Variants in CACNG2 observed in about 807,000 individuals in gnomAD.
CACNG2 encodes voltage-dependent calcium channel gamma-2 subunit.
Under a neutral mutation model 25.9 loss-of-function variants are expected in CACNG2, and 3 were observed. The ratio of observed to expected loss-of-function variants is 0.12; its 90% confidence interval spans 0.05 to 0.30. The LOEUF (loss-of-function observed/expected upper bound fraction) is 0.30, where lower values mean the gene tolerates loss of function less well. Ranked by LOEUF, CACNG2 falls within the 10% of genes least tolerant of loss-of-function variation. CACNG2 has a pLI of 1.00. For synonymous variants in CACNG2, 167 were observed against 173.3 expected (o/e 0.96, Z 0.29); for missense variants, 341 against 432.5 (o/e 0.79, Z 1.88).
intron 1 of CACNG2, among the ~76,000 whole-genome samples, chr22:36,655,050 C>T (rs1010753702): frequency 4.0e-5 from 6 of 151,524 alleles, no homozygotes; most frequent in Non-Finnish European, 4.4e-5. Flanking sequence ...ATGCTGGGGC[C>T]GGACTGGGGA....
At chr22:36,584,241 C>G (rs998660676) in intron 2 of CACNG2, among the ~76,000 whole-genome samples, 2 of 152,182 alleles carry the variant, frequency 1.3e-5, no homozygotes, top group Non-Finnish European at 2.9e-5. Context: ...CACCTGAGGC[C>G]AGGAATTTAA....
At chr22:36,604,731 T>C (rs966628578) in intron 1 of CACNG2, among the ~76,000 whole-genome samples, 1 of 152,228 alleles carries the variant, frequency 6.6e-6, no homozygotes, top group African/African-American at 2.4e-5. Flanking sequence ...CATTGTTTTC[T>C]CAGACATAAT....
At chr22:36,648,106 C>T (rs941927769) in intron 1 of CACNG2, among the ~76,000 whole-genome samples, 4 of 152,102 alleles carry the variant, frequency 2.6e-5, no homozygotes, top group African/African-American at 9.7e-5. Flanking sequence ...TTTTTTGGTT[C>T]TTGGGAAGGT....
intron 2 of CACNG2, among the ~76,000 whole-genome samples, chr22:36,567,452 C>T (rs1935144445): frequency 6.6e-6 from 1 of 152,058 alleles, no homozygotes; most frequent in African/African-American, 2.4e-5. Context: ...AAGGAACAGG[C>T]ACATTGCAAA....
At chr22:36,644,168 C>G (rs761293823) in intron 1 of CACNG2, among the ~76,000 whole-genome samples, 1 of 152,162 alleles carries the variant, frequency 6.6e-6, no homozygotes, top group Non-Finnish European at 1.5e-5. Flanking sequence ...TGCTTTTAGG[C>G]CCCAGACATC....
At chr22:36,679,946 TCATCATCACCACCTG>T (rs1937075285) in intron 1 of CACNG2, among the ~76,000 whole-genome samples, 1 of 151,928 alleles carries the variant, frequency 6.6e-6, no homozygotes, top group Non-Finnish European at 1.5e-5. Context: ...GCCACCACCT[TCATCATCACCACCTG>T]CATCACAATC....
intron 1 of CACNG2, among the ~76,000 whole-genome samples, chr22:36,618,439 G>A (rs112720197): frequency 1.5e-3 from 235 of 152,294 alleles, no homozygotes; most frequent in African/African-American, 5.1e-3. Context: ...CCTAAGCGCC[G>A]GCTCTACCTC....
chr22:36,696,791 G>C (rs922023076), intron 1 of CACNG2, among the ~76,000 whole-genome samples: 1 of 152,126 alleles, frequency 6.6e-6, no homozygotes, highest in Non-Finnish European at 1.5e-5. Flanking sequence ...AGAAAAGGGA[G>C]GACAGACATC....
At chr22:36,679,846 A>T (rs1389404803) in intron 1 of CACNG2, among the ~76,000 whole-genome samples, 1 of 152,170 alleles carries the variant, frequency 6.6e-6, no homozygotes, top group Non-Finnish European at 1.5e-5. Flanking sequence ...AATACACGTT[A>T]AAGGTTTTGG....
chr22:36,631,361 C>T (rs1936267920), intron 1 of CACNG2, among the ~76,000 whole-genome samples: 2 of 152,096 alleles, frequency 1.3e-5, no homozygotes, highest in Admixed American at 6.6e-5. Context: ...ACCCTTCCTC[C>T]CTTCTCACAG....
At chr22:36,620,707 A>G (rs1049041832) in intron 1 of CACNG2, among the ~76,000 whole-genome samples, 51 of 152,226 alleles carry the variant, frequency 3.4e-4, no homozygotes, top group African/African-American at 9.9e-4. Context: ...TATGGAGCTC[A>G]CGTCAGACAC....
intron 2 of CACNG2, among the ~76,000 whole-genome samples, chr22:36,567,047 G>A (rs557110071): frequency 2.0e-5 from 3 of 152,330 alleles, no homozygotes; most frequent in African/African-American, 7.2e-5. Context: ...ATAGTGGTTA[G>A]GTGGAACCAC....
chr22:36,684,980 T>C (rs945174515), intron 1 of CACNG2, among the ~76,000 whole-genome samples: 3 of 152,292 alleles, frequency 2.0e-5, no homozygotes, highest in Non-Finnish European at 2.9e-5. Context: ...GGAAAATCTA[T>C]TGGTCCTGAG....
At chr22:36,645,601 T>G (rs551077045) in intron 1 of CACNG2, among the ~76,000 whole-genome samples, 5 of 151,696 alleles carry the variant, frequency 3.3e-5, no homozygotes, top group African/African-American at 1.2e-4. Context: ...TTACATGTGC[T>G]TGTAATTGTT....
chr22:36,613,652 G>T (rs1935978687), intron 1 of CACNG2, among the ~76,000 whole-genome samples: 1 of 151,648 alleles, frequency 6.6e-6, no homozygotes. Context: ...TCTCATCTCT[G>T]GCTTCCGTTT....
chr22:36,569,344 C>G (rs1935186842), intron 2 of CACNG2, among the ~76,000 whole-genome samples: 1 of 152,082 alleles, frequency 6.6e-6, no homozygotes, highest in East Asian at 1.9e-4. Flanking sequence ...ATATCCAGAC[C>G]AGCTCAACTT....
chr22:36,630,933 C>T (rs961191734), intron 1 of CACNG2, among the ~76,000 whole-genome samples: 9 of 152,110 alleles, frequency 5.9e-5, no homozygotes, highest in Non-Finnish European at 1.0e-4. Context: ...CAGGTTCAAG[C>T]GATTCTTCTG....
chr22:36,634,381 G>A (rs954306950), intron 1 of CACNG2, among the ~76,000 whole-genome samples: 1 of 152,224 alleles, frequency 6.6e-6, no homozygotes, highest in Non-Finnish European at 1.5e-5. Context: ...GGTGACTTCA[G>A]AAGCTGTGTG....
chr22:36,582,597 C>T (rs940435154), intron 2 of CACNG2, among the ~76,000 whole-genome samples: 1 of 151,470 alleles, frequency 6.6e-6, no homozygotes, highest in Non-Finnish European at 1.5e-5. Context: ...TTAGTAGAGA[C>T]GGGGTTTCTC....
Sources: allele counts gnomAD v4.1 joint callset (sites outside exome capture counted in the v4.1 genomes callset), GRCh38; gene constraint gnomAD v4.1.1; transcripts MANE v1.5; gene names NCBI Gene and HGNC (gene_info 2026-07-23, HGNC 2026-07-21).